The following KDM4C variants were observed in gnomAD, a reference collection of about 807,000 sequenced individuals.
The protein encoded by KDM4C is lysine demethylase 4C.
Under a neutral mutation model 129.3 loss-of-function variants are expected in KDM4C, and 81 were observed. The ratio of observed to expected loss-of-function variants is 0.63; its 90% CI spans 0.52 to 0.75. The LOEUF (loss-of-function observed/expected upper bound fraction) is 0.75. KDM4C is among the 30% of genes least tolerant of loss of function. The pLI is 0.00. For missense variants in KDM4C, 1,457 were observed against 1,304.0 expected, an observed-to-expected ratio of 1.12 and a Z score of -1.81; for synonymous variants, 573 against 456.1, an observed-to-expected ratio of 1.26 and a Z score of -3.26.
At chr9:7,147,936 C>T (rs1842362385) in intron 19 of KDM4C, among the ~76,000 whole-genome samples, 1 of 152,222 alleles carries the variant, frequency 6.6e-6, no homozygotes, top group South Asian at 2.1e-4. Flanking sequence ...CCACTCAGCC[C>T]AGCAGGCTGT....
Position 6,834,043 on chromosome 9 carries a change from C to CTTT in KDM4C, c.436-15451_436-15449dup, listed in dbSNP as rs71487860. On this transcript the variant is annotated intron_variant, in intron 4 of 21. Coordinates refer to ENST00000381309, the MANE Select transcript of KDM4C (RefSeq NM_015061.6). ...CATGGGATATGACTCAAGAGATAGTCTTTTTTTTTTTTTTTAAGATAGTCT... is the reference window on the plus strand; with the variant it reads ...CATGGGATATGACTCAAGAGATAGTCTTTTTTTTTTTTTTTTTTAAGATAGTCT... Among the ~76,000 whole-genome samples the CTTT allele has an allele frequency of 7.3e-5, 8 of 109,462 alleles. 1 individual carries two copies. The highest frequency in any genetic ancestry group is 2.2e-4 in the African/African-American group (6 of 26,892). 71.8% of individuals were successfully genotyped at this position (109,462 alleles called of 152,430 possible).
intron 4 of KDM4C, among the ~76,000 whole-genome samples, chr9:6,824,153 A>G (rs895205078): frequency 6.6e-6 from 1 of 152,198 alleles, no homozygotes; most frequent in East Asian, 1.9e-4. Context: ...ATTGTAGCAA[A>G]TAGTTGGAAA....
At chr9:7,036,823 G>C (rs149542887) in intron 15 of KDM4C, among the ~76,000 whole-genome samples, 236 of 152,238 alleles carry the variant, frequency 1.6e-3, no homozygotes, top group African/African-American at 5.5e-3. Flanking sequence ...TCACTGTGTT[G>C]CTCAGGGTCT....
chr9:6,982,322 T>C (rs1816911448), intron 9 of KDM4C: 1 of 152,136 alleles, frequency 6.6e-6, no homozygotes, highest in Non-Finnish European at 1.5e-5. Context: ...GAGGTAGACC[T>C]GAGGTGCAGA....
intron 19 of KDM4C, among the ~76,000 whole-genome samples, chr9:7,136,193 T>C (rs1273721217): frequency 6.6e-6 from 1 of 152,246 alleles, no homozygotes; most frequent in African/African-American, 2.4e-5. Context: ...TCCCATTTTA[T>C]AGTATGAATA....
At chr9:6,763,277 C>A (rs142247837) in intron 1 of KDM4C, among the ~76,000 whole-genome samples, 1 of 152,276 alleles carries the variant, frequency 6.6e-6, no homozygotes, top group Non-Finnish European at 1.5e-5. Flanking sequence ...CCTGAATGGG[C>A]TTGGTACTCT....
upstream of KDM4C, among the ~76,000 whole-genome samples, chr9:6,756,562 C>G (rs1408651799): frequency 6.6e-6 from 1 of 152,170 alleles, no homozygotes; most frequent in South Asian, 2.1e-4. Context: ...ACTGAAAATA[C>G]AAAAATTAGC....
At chr9:7,156,502 C>A (rs1843185928) in intron 19 of KDM4C, among the ~76,000 whole-genome samples, 1 of 152,126 alleles carries the variant, frequency 6.6e-6, no homozygotes, top group Non-Finnish European at 1.5e-5. Flanking sequence ...ACATTTAAGT[C>A]TTAATCCATC....
chr9:6,991,747 A>T (rs1818786039), intron 12 of KDM4C, among the ~76,000 whole-genome samples: 1 of 152,212 alleles, frequency 6.6e-6, no homozygotes, highest in Non-Finnish European at 1.5e-5. Context: ...TTAGAAAACA[A>T]GATCATGGCA....
intron 17 of KDM4C, among the ~76,000 whole-genome samples, chr9:7,066,168 CATTT>C (rs1445526561): frequency 1.3e-5 from 2 of 151,978 alleles, no homozygotes. Flanking sequence ...TTCTTTCATT[CATTT>C]ATCAGTTTTT....
chr9:6,799,651 T>C lies in KDM4C; in HGVS notation c.145-5948T>C, dbSNP rs892593799. ...GGCTCTTTTTTCTTTTCTTTTTTTTTTTTTTTTTTACAAAACAGAAAAACA... is the reference window on the plus strand; with the variant it reads ...GGCTCTTTTTTCTTTTCTTTTTTTTCTTTTTTTTTACAAAACAGAAAAACA... On this transcript the variant is annotated intron_variant, in intron 2 of 21. Coordinates refer to ENST00000381309, the MANE Select transcript of KDM4C (RefSeq NM_015061.6). 1.8e-3 allele frequency among the ~76,000 whole-genome samples: 262 copies of C among 148,562 alleles called. 2 individuals are homozygous for C. Among genetic ancestry groups the C allele is most frequent in the African/African-American group, 6.3e-3 (253 of 40,120 alleles).
intron 1 of KDM4C, among the ~76,000 whole-genome samples, chr9:6,775,477 G>A (rs1374043625): frequency 6.6e-6 from 1 of 151,924 alleles, no homozygotes; most frequent in African/African-American, 2.4e-5. Flanking sequence ...GAACATTATT[G>A]TACATGTCTA....
intron 5 of KDM4C, among the ~76,000 whole-genome samples, chr9:6,863,315 T>A (rs1841311749): frequency 6.6e-6 from 1 of 152,188 alleles, no homozygotes; most frequent in Admixed American, 6.5e-5. Context: ...CCATCTGACT[T>A]TCCTTGTGTA....
chr9:6,789,082 C>G (rs1192691342), intron 1 of KDM4C, among the ~76,000 whole-genome samples: 1 of 147,892 alleles, frequency 6.8e-6, no homozygotes, highest in African/African-American at 2.5e-5. Context: ...CCCACTCTTT[C>G]ACCCAGGCTG....
At chr9:6,922,399 T>C (rs767668151) in intron 8 of KDM4C, among the ~76,000 whole-genome samples, 5 of 152,210 alleles carry the variant, frequency 3.3e-5, no homozygotes, top group Non-Finnish European at 5.9e-5. Flanking sequence ...TTACTGTTTT[T>C]TTCCCCCCCA....
chr9:7,134,715 G>A (rs936379768), intron 19 of KDM4C, among the ~76,000 whole-genome samples: 1 of 152,174 alleles, frequency 6.6e-6, no homozygotes, highest in East Asian at 1.9e-4. Context: ...GCCCAATCAA[G>A]GGGAAACAAT....
intron 8 of KDM4C, among the ~76,000 whole-genome samples, chr9:6,960,946 C>T (rs1395940341): frequency 6.6e-6 from 1 of 152,174 alleles, no homozygotes; most frequent in Non-Finnish European, 1.5e-5. Flanking sequence ...AAATGACATC[C>T]ATACACGCAT....
At chr9:7,064,056 A>G (rs1343008986) in intron 17 of KDM4C, among the ~76,000 whole-genome samples, 1 of 152,192 alleles carries the variant, frequency 6.6e-6, no homozygotes, top group East Asian at 1.9e-4. Flanking sequence ...TTCAAATTGT[A>G]TTTAACTTTA....
At chr9:6,785,797 C>T (rs1272535574) in intron 1 of KDM4C, among the ~76,000 whole-genome samples, 2 of 152,208 alleles carry the variant, frequency 1.3e-5, no homozygotes, top group Admixed American at 6.5e-5. Flanking sequence ...TTTGGGGGGA[C>T]ACAAGTCAAT....
Sources: allele counts gnomAD v4.1 joint callset (sites outside exome capture counted in the v4.1 genomes callset), GRCh38; gene constraint gnomAD v4.1.1; transcripts MANE v1.5; gene names NCBI Gene and HGNC (gene_info 2026-07-23, HGNC 2026-07-21).